Variants in GRB14 observed in about 807,000 individuals in gnomAD.
The protein encoded by GRB14 is growth factor receptor bound protein 14, also known as growth factor receptor-bound protein 14.
Under a neutral mutation model 69.1 loss-of-function variants are expected in GRB14, and 38 were observed. The observed-to-expected ratio is 0.55, with a 90% CI of 0.42 to 0.72. The LOEUF (loss-of-function observed/expected upper bound fraction) is 0.72, where lower values mean the gene tolerates loss of function less well. Ranked by LOEUF, GRB14 falls within the 30% of genes least tolerant of loss-of-function variation. The pLI is 0.00. For missense variants in GRB14, 666 were observed against 666.1 expected, an observed-to-expected ratio of 1.00 and a Z score of 0.00; for synonymous variants, 247 against 241.3, an observed-to-expected ratio of 1.02 and a Z score of -0.22.
chr2:164,581,846 C>T (rs948562503), intron 2 of GRB14, among the ~76,000 whole-genome samples: 1 of 152,018 alleles, frequency 6.6e-6, no homozygotes, highest in Non-Finnish European at 1.5e-5. Context: ...ATATTCAAGC[C>T]CCTTGATTTA....
chr2:164,517,884 G>A (rs950321097), intron 6 of GRB14, among the ~76,000 whole-genome samples: 10 of 152,018 alleles, frequency 6.6e-5, no homozygotes, highest in East Asian at 1.9e-4. Flanking sequence ...TCTACTAGAC[G>A]TAAAGAAATG....
intron 2 of GRB14, among the ~76,000 whole-genome samples, chr2:164,612,474 T>G (rs1204836726): frequency 2.5e-4 from 38 of 152,222 alleles, no homozygotes; most frequent in Admixed American, 2.4e-3. Flanking sequence ...CTGAACCCTT[T>G]CTTTCTACTC....
Position 164,621,214 on chromosome 2 carries a change from C to A in GRB14, c.96G>T (p.Gly32=). 8.0e-7 allele frequency: 1 copy of A among 1,247,142 alleles called. No individual in the cohort carries two copies. The highest frequency in any genetic ancestry group is 1.0e-6 in the Non-Finnish European group (1 of 992,360). The allele number at this position is 1,247,142 out of a possible 1,614,324, so 77.3% of individuals were successfully genotyped here. A position where few individuals can be genotyped will look rare whatever the true frequency, so the allele number is the denominator to read the frequency against. The part of the protein sequence containing the change: ...LAAQVCGAAQ[G]RGDAHDLAPA... Reference sequence around the variant, plus strand: ...GCGCCAGGTCGTGGGCGTCGCCCCTCCCCTGGGCAGCGCCACACACCTGGG... The same window carrying A: ...GCGCCAGGTCGTGGGCGTCGCCCCTACCCTGGGCAGCGCCACACACCTGGG... Residue 32 remains glycine, a synonymous_variant, in exon 1 of 14, where the codon GGG becomes GGT. Coordinates refer to ENST00000263915, the MANE Select transcript of GRB14 (RefSeq NM_004490.3). This position sits in a 1 kb window ranked among gnomAD's most constrained non-coding sequence, Gnocchi z 6.0.
At chr2:164,567,859 A>T (rs960114105) in intron 2 of GRB14, among the ~76,000 whole-genome samples, 1 of 152,208 alleles carries the variant, frequency 6.6e-6, no homozygotes, top group African/African-American at 2.4e-5. Flanking sequence ...CTGGTAACAC[A>T]TGTTTAAACA....
intron 2 of GRB14, among the ~76,000 whole-genome samples, chr2:164,574,833 A>G (rs1372244816): frequency 1.3e-5 from 2 of 151,746 alleles, no homozygotes; most frequent in African/African-American, 4.8e-5. Context: ...AGTTCCATCT[A>G]TTCAAGAGGC....
At chr2:164,578,623 G>A (rs766260563) in intron 2 of GRB14, among the ~76,000 whole-genome samples, 1 of 151,200 alleles carries the variant, frequency 6.6e-6, no homozygotes, top group Non-Finnish European at 1.5e-5. Flanking sequence ...ATTAACATAA[G>A]GCATCTTCAT....
At chr2:164,551,770 A>G (rs1168899802) in intron 2 of GRB14, among the ~76,000 whole-genome samples, 1 of 152,046 alleles carries the variant, frequency 6.6e-6, no homozygotes, top group Non-Finnish European at 1.5e-5. Flanking sequence ...CGCCTCTTTT[A>G]TGTGCTCTCA....
intron 3 of GRB14, among the ~76,000 whole-genome samples, chr2:164,544,620 TAGA>T (rs1688320882): frequency 1.3e-5 from 2 of 152,216 alleles, no homozygotes; most frequent in African/African-American, 4.8e-5. Flanking sequence ...TCTTCTGTCC[TAGA>T]AGATGAGGCA....
chr2:164,520,462 C>G (rs893966926), intron 6 of GRB14, among the ~76,000 whole-genome samples: 1 of 152,020 alleles, frequency 6.6e-6, no homozygotes, highest in African/African-American at 2.4e-5. Context: ...GACTTCCCGA[C>G]TAAGAACCCA....
chr2:164,594,253 GC>G (rs1236641600), intron 2 of GRB14, among the ~76,000 whole-genome samples: 1 of 152,076 alleles, frequency 6.6e-6, no homozygotes, highest in Non-Finnish European at 1.5e-5. Flanking sequence ...GGCAGTATTT[GC>G]CCTGGATGCA....
At chr2:164,553,829 C>A (rs1688606118) in intron 2 of GRB14, among the ~76,000 whole-genome samples, 1 of 152,112 alleles carries the variant, frequency 6.6e-6, no homozygotes, top group South Asian at 2.1e-4. Context: ...CCAGGAGTGG[C>A]TGTAATCCCA....
At chr2:164,513,968 A>C (rs1322593552) in intron 6 of GRB14, among the ~76,000 whole-genome samples, 1 of 152,224 alleles carries the variant, frequency 6.6e-6, no homozygotes, top group Non-Finnish European at 1.5e-5. Context: ...TAGACACAGA[A>C]ACCAGGCAGC....
At chr2:164,553,936 A>G (rs1191704441) in intron 2 of GRB14, among the ~76,000 whole-genome samples, 2 of 152,174 alleles carry the variant, frequency 1.3e-5, no homozygotes, top group African/African-American at 4.8e-5. Flanking sequence ...CCTGGGCAAC[A>G]AGAGCAACAC....
chr2:164,545,475 T>C (rs1234066380), intron 3 of GRB14, among the ~76,000 whole-genome samples: 3 of 152,150 alleles, frequency 2.0e-5, no homozygotes, highest in African/African-American at 7.2e-5. Flanking sequence ...TGGCAGAGAT[T>C]AGGTGATGCA....
At chr2:164,575,997 G>A (rs1212529160) in intron 2 of GRB14, among the ~76,000 whole-genome samples, 3 of 152,014 alleles carry the variant, frequency 2.0e-5, no homozygotes, top group East Asian at 3.9e-4. Flanking sequence ...TCTATTCTAT[G>A]GGAAAGAGAA....
chr2:164,613,357 CAT>C (rs761456592), intron 2 of GRB14, among the ~76,000 whole-genome samples: 6 of 152,094 alleles, frequency 3.9e-5, no homozygotes, highest in Non-Finnish European at 1.5e-5. Flanking sequence ...CTCTTTCTCA[CAT>C]GTTACCACAC....
chr2:164,561,833 A>G (rs1688836459), intron 2 of GRB14, among the ~76,000 whole-genome samples: 1 of 152,064 alleles, frequency 6.6e-6, no homozygotes, highest in African/African-American at 2.4e-5. Flanking sequence ...GCTATTTTTT[A>G]TTGTTCTTTG....
At chr2:164,598,973 T>C (rs1399281219) in intron 2 of GRB14, among the ~76,000 whole-genome samples, 5 of 152,306 alleles carry the variant, frequency 3.3e-5, no homozygotes, top group South Asian at 4.1e-4. Context: ...CTTTGTGGAA[T>C]TGGAGAGAAG....
At chr2:164,556,499 C>T (rs1688680753) in intron 2 of GRB14, among the ~76,000 whole-genome samples, 1 of 152,064 alleles carries the variant, frequency 6.6e-6, no homozygotes, top group African/African-American at 2.4e-5. Flanking sequence ...ATCCTTGTAC[C>T]CCCTTTCACT....
Sources: gnomAD v4.1 joint callset for allele counts (sites outside exome capture counted in the v4.1 genomes callset) on GRCh38, gnomAD v4.1.1 for gene constraint, Gnocchi (gnomAD v3.1) non-coding constraint, MANE v1.5 for transcripts, NCBI Gene and HGNC (gene_info 2026-07-23, HGNC 2026-07-21) for gene names.